Variants in ZNF2 observed in about 807,000 individuals in gnomAD.
ZNF2 encodes zinc finger protein 2.2.
In ZNF2, 12 loss-of-function variants were observed where a neutral mutation model predicts 21.9. The observed-to-expected ratio is 0.55, with a 90% CI of 0.35 to 0.89. The LOEUF is 0.89. Ranked by LOEUF, ZNF2 falls within the 40% of genes least tolerant of loss-of-function variation. The pLI is 0.01. For missense variants in ZNF2, 462 were observed against 544.2 expected (o/e 0.85, Z 1.50); for synonymous variants, 186 against 196.3 (o/e 0.95, Z 0.44).
At chr2:95,176,919 TA>T (rs11312026) in intron 2 of ZNF2, among the ~76,000 whole-genome samples, 148,485 of 151,060 alleles carry the variant, frequency 0.98, 72,983 homozygotes, top group East Asian at 1. Context: ...TAAGGATTTG[TA>T]AAAAAAAAAA....
chr2:95,177,433 C>A (rs1341926129), intron 2 of ZNF2, 50 bp from the exon 3 acceptor site: 2 of 1,590,200 alleles, frequency 1.3e-6, no homozygotes, highest in African/African-American at 1.3e-5. Flanking sequence ...TGGTCTGGTC[C>A]AAGTAAAGAG....
At chr2:95,166,829 G>T (rs928176223) in intron 1 of ZNF2, among the ~76,000 whole-genome samples, 1 of 152,212 alleles carries the variant, frequency 6.6e-6, no homozygotes, top group Admixed American at 6.5e-5. Context: ...GTGTGGAATT[G>T]CCTAAAGGAA....
At chr2:95,166,805 G>C (rs1285050133) in intron 1 of ZNF2, among the ~76,000 whole-genome samples, 1 of 152,200 alleles carries the variant, frequency 6.6e-6, no homozygotes, top group Non-Finnish European at 1.5e-5. Context: ...GTAAAGCCAG[G>C]AAGAGGCGTT....
At chr2:95,169,380 G>T (rs1674195672) in intron 1 of ZNF2, among the ~76,000 whole-genome samples, 1 of 152,176 alleles carries the variant, frequency 6.6e-6, no homozygotes, top group Non-Finnish European at 1.5e-5. Context: ...TGTTCAAAAA[G>T]CTCCAGTGCT....
Position 95,181,911 on chromosome 2 carries a change from G to T in ZNF2, c.1083G>T (p.Lys361Asn). The change falls in exon 5 of 5, where the codon AAG becomes AAT. Residue 361 changes from lysine (K) to asparagine (N), a missense_variant. Transcript: ENST00000614034. ...GCTCATCCCTTACACAGCATCAGAA[G>T]ATCCACACTGGAGACAAGCCATATG... ...FDRSSLTQHQ[K>N]IHTGDKPYEC... The T allele has an allele frequency of 6.2e-7, 1 of 1,614,240 alleles. No homozygotes were observed. The highest frequency in any genetic ancestry group is 8.5e-7 in the Non-Finnish European group (1 of 1,180,048).
In ZNF2 at chr2:95,184,092, A is replaced by C. The variant is rs1263707974; in HGVS notation, c.*1986A>C. 1.3e-5 allele frequency: 2 copies of C among 152,168 alleles called. No homozygotes were observed. The highest frequency in any genetic ancestry group is 2.9e-5 in the Non-Finnish European group (2 of 68,040). 9.4% of individuals were successfully genotyped at this position (152,168 alleles called of 1,614,324 possible). A position where few individuals can be genotyped will look rare whatever the true frequency, so the allele number is the denominator to read the frequency against. On this transcript the variant is annotated 3_prime_UTR_variant, in exon 5 of 5. Transcript: ENST00000614034. ...TGAATTGAGATGAATTTCCTCTGGAAGTTCAAGTCGGATTCGAGAAGCTGA... is the reference window on the plus strand; with the variant it reads ...TGAATTGAGATGAATTTCCTCTGGACGTTCAAGTCGGATTCGAGAAGCTGA...
At chr2:95,180,736 C>G (rs912253252) in intron 4 of ZNF2, among the ~76,000 whole-genome samples, 3 of 152,176 alleles carry the variant, frequency 2.0e-5, no homozygotes, top group African/African-American at 7.2e-5. Context: ...TCTCGAACTC[C>G]TGACCTCAGG....
At position 95,181,914 on chromosome 2, in the gene ZNF2, CCA is replaced by C; in HGVS notation, c.1090_1091del (p.Thr364TrpfsTer6). The C allele has an allele frequency of 6.2e-7, 1 of 1,614,214 alleles. No homozygotes were observed. The highest frequency in any genetic ancestry group is 8.5e-7 in the Non-Finnish European group (1 of 1,180,032). ...RSSLTQHQKI[H>X]TGDKPYECSE... The stretch of plus-strand genomic sequence containing the variant: ...CATCCCTTACACAGCATCAGAAGAT[CCA>C]CACTGGAGACAAGCCATATGAATGC... On this transcript the variant is annotated frameshift_variant, in exon 5 of 5. Coordinates refer to ENST00000614034, the MANE Select transcript of ZNF2 (RefSeq NM_021088.4). LOFTEE classifies it high-confidence loss of function.
chr2:95,177,849 C>T (rs1210430046), intron 3 of ZNF2, among the ~76,000 whole-genome samples: 1 of 152,198 alleles, frequency 6.6e-6, no homozygotes, highest in East Asian at 1.9e-4. Context: ...CTCTCTCGCT[C>T]AGCAGCCTGC....
At position 95,181,250 on chromosome 2, in the gene ZNF2, C is replaced by T. The variant is rs1339413813; in HGVS notation, c.422C>T (p.Pro141Leu). 6.2e-7 allele frequency: 1 copy of T among 1,614,160 alleles called. No individual in the cohort carries two copies. The highest frequency in any genetic ancestry group is 1.1e-5 in the South Asian group (1 of 91,086). Reference sequence around the variant, plus strand: ...AGGATGGGAACAGAAAAGCAAAGCCCTTCAGGGGAGACTCGTAAGAAATCC... The same window carrying T: ...AGGATGGGAACAGAAAAGCAAAGCCTTTCAGGGGAGACTCGTAAGAAATCC... Reference protein sequence around the residue: ...NGRMGTEKQSPSGETRKKSLS... With the variant: ...NGRMGTEKQSLSGETRKKSLS... Residue 141 changes from proline to leucine, a missense_variant, in exon 5 of 5, where the codon CCT becomes CTT. Pro to Leu is a moderately conservative substitution (Grantham distance 98, BLOSUM62 -3). Coordinates refer to ENST00000614034, the MANE Select transcript of ZNF2 (RefSeq NM_021088.4).
intron 3 of ZNF2, among the ~76,000 whole-genome samples, chr2:95,179,383 T>C (rs1674558903): frequency 6.6e-6 from 1 of 152,244 alleles, no homozygotes; most frequent in Non-Finnish European, 1.5e-5. Flanking sequence ...AGGTGATTTT[T>C]TCTTTTTGCT....
intron 1 of ZNF2, among the ~76,000 whole-genome samples, chr2:95,175,560 C>T (rs777559296): frequency 1.3e-5 from 2 of 152,198 alleles, no homozygotes; most frequent in Non-Finnish European, 2.9e-5. Context: ...TCATGATATC[C>T]TTTCAGCTCG....
chr2:95,168,839 C>T (rs1043114633), intron 1 of ZNF2, among the ~76,000 whole-genome samples: 2 of 152,208 alleles, frequency 1.3e-5, no homozygotes, highest in Admixed American at 6.5e-5. Flanking sequence ...TCCCTTGAAA[C>T]TCATTCCTGG....
At chr2:95,170,760 G>A (rs1450297760) in intron 1 of ZNF2, among the ~76,000 whole-genome samples, 1 of 152,170 alleles carries the variant, frequency 6.6e-6, no homozygotes, top group Non-Finnish European at 1.5e-5. Context: ...CAGTTACTAT[G>A]CTTCTTTGGA....
chr2:95,166,493 T>TC (rs1409032802), intron 1 of ZNF2, among the ~76,000 whole-genome samples: 3 of 152,130 alleles, frequency 2.0e-5, no homozygotes, highest in Non-Finnish European at 2.9e-5. Flanking sequence ...AGGTGGCTTA[T>TC]ATAGGTGTGA....
Position 95,177,513 on chromosome 2 carries a change from G to T in ZNF2, c.64G>T (p.Val22Phe). The change falls in exon 3 of 5, where the codon GTT (valine) becomes TTT (phenylalanine). Residue 22 changes from valine (V) to phenylalanine (F), a missense_variant. Physicochemically the swap from Val to Phe is conservative, Grantham distance 50. Coordinates refer to ENST00000614034, the MANE Select transcript of ZNF2 (RefSeq NM_021088.4). ...ESVTFEDVAV[V>F]FTDEEWSRLV... ...AGTGACATTCGAAGACGTTGCCGTG[G>T]TTTTCACAGATGAAGAGTGGAGTCG... 2 of 1,614,158 alleles carry T rather than the reference G, an allele frequency of 1.2e-6. No individual in the cohort carries two copies. Among genetic ancestry groups the T allele is most frequent in the Middle Eastern group, 1.7e-4 (1 of 6,060 alleles).
At chr2:95,171,728 A>C (rs1476981876) in intron 1 of ZNF2, among the ~76,000 whole-genome samples, 2 of 152,168 alleles carry the variant, frequency 1.3e-5, no homozygotes, top group Non-Finnish European at 2.9e-5. Flanking sequence ...TTCTGCTTTC[A>C]CAGCTTTCAT....
At chr2:95,180,613 G>A (rs780587999) in intron 4 of ZNF2, among the ~76,000 whole-genome samples, 1 of 151,494 alleles carries the variant, frequency 6.6e-6, no homozygotes. Context: ...AGGTTCAAGC[G>A]ATTCTGCCTG....
chr2:95,181,796 A>T lies in ZNF2; in HGVS notation c.968A>T (p.Tyr323Phe), dbSNP rs757845138. The T allele has an allele frequency of 1.2e-6, 2 of 1,614,162 alleles. No homozygotes were observed. Among genetic ancestry groups the T allele is most frequent in the Non-Finnish European group, 1.7e-6 (2 of 1,180,026 alleles). ...YECNECGKAF[Y>F]GVSSLNRHQK... ...TGTAACGAGTGCGGGAAAGCTTTCTATGGTGTCTCGTCTCTGAATAGACAT... is the reference window on the plus strand; with the variant it reads ...TGTAACGAGTGCGGGAAAGCTTTCTTTGGTGTCTCGTCTCTGAATAGACAT... Residue 323 changes from tyrosine to phenylalanine, a missense_variant, in exon 5 of 5, where the codon TAT becomes TTT. Physicochemically the swap from Tyr to Phe is conservative, Grantham distance 22. Transcript: ENST00000614034.
Sources: gnomAD v4.1 joint callset for allele counts (sites outside exome capture counted in the v4.1 genomes callset) on GRCh38, gnomAD v4.1.1 for gene constraint, MANE v1.5 for transcripts, NCBI Gene and HGNC (gene_info 2026-07-23, HGNC 2026-07-21) for gene names.